ADAT1: variants seen among roughly 807,000 people sequenced by gnomAD.
ADAT1 encodes the protein adenosine deaminase tRNA specific 1.
In ADAT1, 58 loss-of-function variants were observed where a neutral mutation model predicts 58.6. The observed-to-expected ratio is 0.99, with a 90% CI of 0.80 to 1.23. The LOEUF (loss-of-function observed/expected upper bound fraction) is 1.23. ADAT1 is among the 50% of genes most tolerant of loss of function. The probability of loss-of-function intolerance (pLI) is 0.00; values close to 1 mark genes in which losing one functional copy is unlikely to be tolerated. For synonymous variants in ADAT1, 254 were observed against 220.8 expected, an observed-to-expected ratio of 1.15 and a Z score of -1.33; for missense variants, 741 against 608.6, an observed-to-expected ratio of 1.22 and a Z score of -2.29.
At position 75,618,612 on chromosome 16, in the gene ADAT1, C is replaced by T; in HGVS notation, c.267G>A (p.Glu89=). The T allele has an allele frequency of 6.2e-7, 1 of 1,611,942 alleles. No homozygotes were observed. The part of the protein sequence containing the change: ...NGDILNDSHA[E]VIARRSFQRY... ...TTTGGAAACTCCTTCTGGCTATGAC[C>T]TCAGCATGGCTATCATTGAGGATGT... Residue 89 remains glutamate (E), a synonymous_variant, in exon 4 of 10, where the codon GAG becomes GAA. Transcript: ENST00000564657.
Position 75,597,325 on chromosome 16 carries a change from G to A in ADAT1, c.*2891C>T. On this transcript the variant is annotated 3_prime_UTR_variant, in exon 10 of 10. Transcript: ENST00000564657. ...GAGACACAGACACAGAAGGCCATGT[G>A]AAGACGGAGGGAGAAACTGAAGTGA... The A allele has an allele frequency of 2.3e-6, 1 of 443,672 alleles. No individual in the cohort carries two copies. The highest frequency in any genetic ancestry group is 2.0e-5 in the African/African-American group (1 of 49,956). 27.5% of individuals were successfully genotyped at this position (443,672 alleles called of 1,614,324 possible).
At chr16:75,606,758 A>G (rs2081382414) in intron 8 of ADAT1, among the ~76,000 whole-genome samples, 1 of 152,258 alleles carries the variant, frequency 6.6e-6, no homozygotes, top group Admixed American at 6.5e-5. Context: ...TATGTGAAAT[A>G]ATAAATGTAT....
chr16:75,611,877 G>A (rs1049219602), intron 6 of ADAT1, among the ~76,000 whole-genome samples: 63 of 151,924 alleles, frequency 4.1e-4, no homozygotes, highest in Middle Eastern at 3.4e-3. Flanking sequence ...GACCAACATG[G>A]TGAAACCCCG....
At chr16:75,620,445 C>A in intron 2 of ADAT1, 111 bp from the exon 3 acceptor site, 1 of 1,444,318 alleles carries the variant, frequency 6.9e-7, no homozygotes. Context: ...CCCACTCAAC[C>A]AAGGTCTGCG....
chr16:75,602,536 GGCTTTCC>G (rs2081259443), intron 9 of ADAT1, among the ~76,000 whole-genome samples: 1 of 152,124 alleles, frequency 6.6e-6, no homozygotes, highest in Non-Finnish European at 1.5e-5. Flanking sequence ...GGTGGTTTGG[GGCTTTCC>G]TTAACTTGTG....
At chr16:75,609,822 A>G (rs1597111022) in intron 6 of ADAT1, among the ~76,000 whole-genome samples, 1 of 150,920 alleles carries the variant, frequency 6.6e-6, no homozygotes. Flanking sequence ...TCCCACCTCC[A>G]CCTCCCAAGT....
intron 9 of ADAT1, among the ~76,000 whole-genome samples, chr16:75,600,823 T>G (rs1033881707): frequency 2.0e-5 from 3 of 152,244 alleles, no homozygotes; most frequent in African/African-American, 7.2e-5. Context: ...CCAGTCTGTA[T>G]GTCTTGAATT....
At chr16:75,608,052 G>GAAGTAAATT (rs2081418512) in intron 8 of ADAT1, among the ~76,000 whole-genome samples, 172 bp downstream of exon 8, 1 of 152,218 alleles carries the variant, frequency 6.6e-6, no homozygotes, top group Non-Finnish European at 1.5e-5. Context: ...ACGGAGACAG[G>GAAGTAAATT]AAGTAAATTA....
rs771137809 is a variant in ADAT1, at chr16:75,612,269, T to C, written c.1017A>G (p.Glu339=). The C allele has an allele frequency of 3.7e-6, 6 of 1,614,158 alleles. No individual in the cohort carries two copies. The highest frequency in any genetic ancestry group is 5.1e-6 in the Non-Finnish European group (6 of 1,180,024). Residue 339 remains glutamate (E), a synonymous_variant, in exon 6 of 10, where the codon GAA becomes GAG. Coordinates refer to ENST00000564657, the MANE Select transcript of ADAT1 (RefSeq NM_001324445.2). Reference sequence around the variant, plus strand: ...TTCCAATCAGTGCTCTCTGCATGGCTTCCTGGCTGTATGGGCACTTCCCAA... The same window carrying C: ...TTCCAATCAGTGCTCTCTGCATGGCCTCCTGGCTGTATGGGCACTTCCCAA... The part of the protein sequence containing the change: ...VVIGKCPYSQ[E]AMQRALIGRC...
intron 5 of ADAT1, among the ~76,000 whole-genome samples, chr16:75,616,516 C>G (rs563153878): frequency 3.3e-5 from 5 of 152,222 alleles, no homozygotes; most frequent in Admixed American, 6.5e-5. Context: ...TTGTTATCCA[C>G]AAAAGGTAGA....
intron 3 of ADAT1, chr16:75,619,629 T>C: frequency 2.2e-6 from 1 of 455,394 alleles, no homozygotes; most frequent in Non-Finnish European, 4.4e-6. Flanking sequence ...CAAGATTGCT[T>C]ACCAGGTGCG....
intron 2 of ADAT1, 75 bp from the exon 3 acceptor site, chr16:75,620,409 A>C (rs1271574822): frequency 7.8e-6 from 12 of 1,532,008 alleles, no homozygotes; most frequent in Non-Finnish European, 1.1e-5. Flanking sequence ...ATCAGCCTGC[A>C]CACTCCTCTA....
rs1026476332 is a variant in ADAT1 at position 75,620,881 on chromosome 16, G to C, written c.-21-61C>G. The C allele has an allele frequency of 2.1e-6, 3 of 1,414,434 alleles. No individual in the cohort carries two copies. The African/African-American group carries it at 4.3e-5, about 20-fold the overall frequency. 87.6% of individuals were successfully genotyped at this position (1,414,434 alleles called of 1,614,324 possible). A position where few individuals can be genotyped will look rare whatever the true frequency, so the allele number is the denominator to read the frequency against. ...AGGAGAACCAGTGCACGATGCTACA[G>C]CCTCTCATATCCATGCTTCGAGTCT... On this transcript the variant is annotated intron_variant, in intron 1 of 9. Coordinates refer to ENST00000564657, the MANE Select transcript of ADAT1 (RefSeq NM_001324445.2).
chr16:75,598,968 T>C lies in ADAT1; in HGVS notation c.*1248A>G. 13 of 985,350 alleles carry C rather than the reference T, an allele frequency of 1.3e-5. No homozygotes were observed. Among genetic ancestry groups the C allele is most frequent in the Non-Finnish European group, 1.6e-5 (13 of 829,936 alleles). The allele number at this position is 985,350 out of a possible 1,614,324, so 61.0% of individuals were successfully genotyped here. ...AGTAACCCCAACATGGGAGCTTCCATTTTCAGTCAATCATTCAAGGTCTGA... is the reference window on the plus strand; with the variant it reads ...AGTAACCCCAACATGGGAGCTTCCACTTTCAGTCAATCATTCAAGGTCTGA... On this transcript the variant is annotated 3_prime_UTR_variant, in exon 10 of 10. Coordinates refer to ENST00000564657, the MANE Select transcript of ADAT1 (RefSeq NM_001324445.2).
At position 75,601,167 on chromosome 16, in the gene ADAT1, C is replaced by T. The variant is rs376399713; in HGVS notation, c.1377-819G>A. Among the ~76,000 whole-genome samples, 8 of 151,992 alleles carry T rather than the reference C, an allele frequency of 5.3e-5. No individual in the cohort carries two copies. The East Asian group carries it at 5.8e-4, about 11-fold the overall frequency. ...ACCAGCCTGGCCAACATGGTGAAAC[C>T]CCATCTCTACTAAAAATACAAAATT... On this transcript the variant is annotated intron_variant, in intron 9 of 9. Coordinates refer to ENST00000564657, the MANE Select transcript of ADAT1 (RefSeq NM_001324445.2).
At position 75,599,448 on chromosome 16, in the gene ADAT1, T is replaced by G; in HGVS notation, c.*768A>C. On this transcript the variant is annotated 3_prime_UTR_variant, in exon 10 of 10. Coordinates refer to ENST00000564657, the MANE Select transcript of ADAT1 (RefSeq NM_001324445.2). The stretch of plus-strand genomic sequence containing the variant: ...AGAAAACCAACACAAACAGGCTTAA[T>G]CAAAATAACAACAGGAATCTGTCTC... 2 of 985,840 alleles carry G rather than the reference T, an allele frequency of 2.0e-6. No homozygotes were observed. The highest frequency in any genetic ancestry group is 2.4e-6 in the Non-Finnish European group (2 of 829,942). The allele number at this position is 985,840 out of a possible 1,614,324, so 61.1% of individuals were successfully genotyped here.
Position 75,599,310 on chromosome 16 carries a change from G to A in ADAT1, c.*906C>T. ...TTGGCCAGGCTGGTCTTGAACTCCT[G>A]ACCTCAAGTGATCTGCCTGCCTGGG... On this transcript the variant is annotated 3_prime_UTR_variant, in exon 10 of 10. Transcript: ENST00000564657. 2 of 950,362 alleles carry A rather than the reference G, an allele frequency of 2.1e-6. No individual in the cohort carries two copies. Among genetic ancestry groups the A allele is most frequent in the Non-Finnish European group, 2.5e-6 (2 of 798,002 alleles). The allele number at this position is 950,362 out of a possible 1,614,324, so 58.9% of individuals were successfully genotyped here.
intron 5 of ADAT1, among the ~76,000 whole-genome samples, chr16:75,615,494 A>T (rs1408236813): frequency 2.7e-4 from 31 of 113,582 alleles, no homozygotes; most frequent in African/African-American, 1.0e-3. Context: ...AAAAAAAAAA[A>T]AAAAAAAAAA....
At chr16:75,601,609 T>C (rs1270682306) in intron 9 of ADAT1, among the ~76,000 whole-genome samples, 1 of 151,954 alleles carries the variant, frequency 6.6e-6, no homozygotes, top group Non-Finnish European at 1.5e-5. Context: ...ATACCAAAAA[T>C]TAGCCGGGCG....
Sources: allele counts gnomAD v4.1 joint callset (sites outside exome capture counted in the v4.1 genomes callset), GRCh38; gene constraint gnomAD v4.1.1; transcripts MANE v1.5; gene names NCBI Gene and HGNC (gene_info 2026-07-23, HGNC 2026-07-21).